Variants in NCKAP5 observed in about 807,000 individuals in gnomAD.
NCKAP5 encodes nck-associated protein 5.
NCKAP5 carries 92 observed loss-of-function variants against 167.0 expected under a neutral mutation model. The observed-to-expected ratio is 0.55, with a 90% CI of 0.47 to 0.66. The LOEUF (loss-of-function observed/expected upper bound fraction) is 0.66, where lower values mean the gene tolerates loss of function less well. NCKAP5 is among the 30% of genes least tolerant of loss of function. The probability of loss-of-function intolerance (pLI) is 0.00; values close to 1 mark genes in which losing one functional copy is unlikely to be tolerated. For synonymous variants in NCKAP5, 891 were observed against 877.4 expected (o/e 1.02, Z -0.27); for missense variants, 2,378 against 2,315.0 (o/e 1.03, Z -0.56).
chr2:132,942,136 T>G (rs568789126), intron 8 of NCKAP5, among the ~76,000 whole-genome samples: 1 of 152,348 alleles, frequency 6.6e-6, no homozygotes, highest in South Asian at 2.1e-4. Context: ...TAAACATATC[T>G]TAATTGACAG....
At chr2:133,244,865 T>C (rs1228654487) in intron 4 of NCKAP5, among the ~76,000 whole-genome samples, 1 of 152,026 alleles carries the variant, frequency 6.6e-6, no homozygotes, top group African/African-American at 2.4e-5. Context: ...CTGTAAAAAA[T>C]AAAACAAGAA....
At chr2:133,318,780 G>A (rs1467691667) in intron 3 of NCKAP5, among the ~76,000 whole-genome samples, 1 of 152,146 alleles carries the variant, frequency 6.6e-6, no homozygotes, top group Non-Finnish European at 1.5e-5. Flanking sequence ...ACTCAGCGCT[G>A]CCCTTCACAT....
At chr2:133,047,502 G>C (rs1269852044) in intron 6 of NCKAP5, among the ~76,000 whole-genome samples, 3 of 152,150 alleles carry the variant, frequency 2.0e-5, no homozygotes, top group Non-Finnish European at 4.4e-5. Flanking sequence ...TGTTCCTCTG[G>C]CTAACTGAAA....
chr2:133,029,047 G>T (rs545940185), intron 6 of NCKAP5, among the ~76,000 whole-genome samples: 1 of 152,276 alleles, frequency 6.6e-6, no homozygotes, highest in South Asian at 2.1e-4. Flanking sequence ...ACAGCCTGCA[G>T]AACTGTGGGC....
intron 6 of NCKAP5, among the ~76,000 whole-genome samples, chr2:133,079,790 C>T (rs1013086773): frequency 2.0e-5 from 3 of 152,064 alleles, no homozygotes; most frequent in African/African-American, 7.2e-5. Context: ...TTTTCACCTA[C>T]CTTTTCACTT....
intron 2 of NCKAP5, among the ~76,000 whole-genome samples, chr2:133,558,444 G>A (rs1358824366): frequency 2.6e-5 from 4 of 151,950 alleles, no homozygotes. Context: ...AAATAAGGTG[G>A]CATAGACAGA....
At position 133,116,253 on chromosome 2, in the gene NCKAP5, C is replaced by T. The variant is rs1298332720; in HGVS notation, c.341+13725G>A. On this transcript the variant is annotated intron_variant, in intron 6 of 19. Coordinates refer to ENST00000409261, the MANE Select transcript of NCKAP5 (RefSeq NM_207363.3). ...CTGTAATCCCAGCACTTTGGGAGGCCGAGGCGGGCGGATCACGAGGTCAGG... is the reference window on the plus strand; with the variant it reads ...CTGTAATCCCAGCACTTTGGGAGGCTGAGGCGGGCGGATCACGAGGTCAGG... 2.3e-5 allele frequency among the ~76,000 whole-genome samples: 2 copies of T among 85,736 alleles called. 1 individual carries two copies. The highest frequency in any genetic ancestry group is 4.3e-5 in the Non-Finnish European group (2 of 46,166). 56.2% of individuals were successfully genotyped at this position (85,736 alleles called of 152,430 possible).
intron 11 of NCKAP5, among the ~76,000 whole-genome samples, chr2:132,853,874 CATA>C (rs1462732723): frequency 3.3e-5 from 5 of 152,174 alleles, no homozygotes; most frequent in African/African-American, 1.2e-4. Flanking sequence ...CCCATCTAAA[CATA>C]ATATTTCAAA....
the NCKAP5 span, among the ~76,000 whole-genome samples, chr2:133,647,649 G>A: frequency 7.4e-6 from 1 of 134,530 alleles, no homozygotes; most frequent in Non-Finnish European, 1.6e-5. Flanking sequence ...AAGAAAGGGA[G>A]AGAGAGAGGG....
At chr2:133,264,442 C>T (rs2089077140) in intron 4 of NCKAP5, among the ~76,000 whole-genome samples, 2 of 152,172 alleles carry the variant, frequency 1.3e-5, no homozygotes, top group African/African-American at 4.8e-5. Context: ...CATAAACCAG[C>T]TGTAATGGGG....
intron 4 of NCKAP5, among the ~76,000 whole-genome samples, chr2:133,296,736 T>C (rs1679988761): frequency 6.6e-6 from 1 of 152,212 alleles, no homozygotes; most frequent in African/African-American, 2.4e-5. Context: ...TTCAGAGATG[T>C]TATTTAGCAG....
chr2:133,591,023 T>A, the NCKAP5 span, among the ~76,000 whole-genome samples: 1 of 152,100 alleles, frequency 6.6e-6, no homozygotes, highest in African/African-American at 2.4e-5. Context: ...GAGTACTGTA[T>A]GTATATGAGT....
chr2:133,269,802 G>T, intron 4 of NCKAP5, among the ~76,000 whole-genome samples: 1 of 152,166 alleles, frequency 6.6e-6, no homozygotes, highest in Admixed American at 6.5e-5. Flanking sequence ...CTGTTATTAG[G>T]CTATTGCAAG....
At chr2:133,306,372 G>A (rs984102071) in intron 3 of NCKAP5, among the ~76,000 whole-genome samples, 1 of 152,208 alleles carries the variant, frequency 6.6e-6, no homozygotes, top group African/African-American at 2.4e-5. Flanking sequence ...AGTACTGTAG[G>A]ACAAGAGAGA....
At chr2:133,648,327 G>A in the NCKAP5 span, among the ~76,000 whole-genome samples, 135 of 151,974 alleles carry the variant, frequency 8.9e-4, no homozygotes, top group African/African-American at 3.1e-3. Flanking sequence ...CTTCGACACC[G>A]CATTTTCAAT....
chr2:133,542,803 T>C (rs1184074697), intron 2 of NCKAP5, among the ~76,000 whole-genome samples: 1 of 152,200 alleles, frequency 6.6e-6, no homozygotes, highest in African/African-American at 2.4e-5. Context: ...GGTCTTCTAC[T>C]TCTGGTGCAG....
intron 11 of NCKAP5, among the ~76,000 whole-genome samples, chr2:132,817,687 A>G (rs1211621981): frequency 6.6e-6 from 1 of 152,144 alleles, no homozygotes; most frequent in Non-Finnish European, 1.5e-5. Context: ...GGTTCATGTC[A>G]GTGCCTCTGG....
intron 3 of NCKAP5, among the ~76,000 whole-genome samples, chr2:133,358,190 G>A (rs1684865704): frequency 6.6e-6 from 1 of 152,100 alleles, no homozygotes; most frequent in Non-Finnish European, 1.5e-5. Context: ...TCTTACTCTA[G>A]ACTCTAAGTA....
intron 3 of NCKAP5, among the ~76,000 whole-genome samples, chr2:133,420,196 T>A (rs1689383907): frequency 6.6e-6 from 1 of 152,240 alleles, no homozygotes; most frequent in Non-Finnish European, 1.5e-5. Context: ...TTATTTATAA[T>A]AGCCAAAATG....
Sources: gnomAD v4.1 joint callset for allele counts (sites outside exome capture counted in the v4.1 genomes callset) on GRCh38, gnomAD v4.1.1 for gene constraint, MANE v1.5 for transcripts, NCBI Gene and HGNC (gene_info 2026-07-23, HGNC 2026-07-21) for gene names.